CES5A: variants seen among roughly 807,000 people sequenced by gnomAD.
CES5A encodes the protein carboxylesterase 5.
A neutral mutation model predicts 62.9 loss-of-function variants in CES5A; 67 were observed. The ratio of observed to expected loss-of-function variants is 1.07; its 90% CI spans 0.88 to 1.31. The LOEUF (loss-of-function observed/expected upper bound fraction) is 1.31, where lower values mean the gene tolerates loss of function less well. CES5A is among the 50% of genes most tolerant of loss of function. The probability of loss-of-function intolerance (pLI) is 0.00; values close to 1 mark genes in which losing one functional copy is unlikely to be tolerated. For synonymous variants in CES5A, 296 were observed against 280.8 expected (o/e 1.05, Z -0.54); for missense variants, 748 against 708.5 (o/e 1.06, Z -0.63).
chr16:55,886,768 T>C (rs2033820021), intron 1 of CES5A, among the ~76,000 whole-genome samples: 1 of 152,154 alleles, frequency 6.6e-6, no homozygotes, highest in African/African-American at 2.4e-5. Flanking sequence ...GATATGGATT[T>C]ATGGGTTTGC....
intron 1 of CES5A, among the ~76,000 whole-genome samples, chr16:55,909,008 G>T (rs1259379456): frequency 6.6e-6 from 1 of 152,196 alleles, no homozygotes; most frequent in African/African-American, 2.4e-5. Context: ...AGAATAAAAT[G>T]CAGAGAGAAT....
chr16:55,929,795 T>G (rs145536013), upstream of CES5A, among the ~76,000 whole-genome samples: 14 of 152,346 alleles, frequency 9.2e-5, no homozygotes, highest in African/African-American at 3.4e-4. Flanking sequence ...TTGCTCACGA[T>G]GGAATGTTTT....
intron 1 of CES5A, among the ~76,000 whole-genome samples, chr16:55,911,727 G>A (rs1312028400): frequency 6.6e-6 from 1 of 152,132 alleles, no homozygotes; most frequent in Non-Finnish European, 1.5e-5. Flanking sequence ...TGACAGAAAG[G>A]TGGGGCCAGG....
chr16:55,927,844 T>C (rs2034273922), upstream of CES5A, among the ~76,000 whole-genome samples: 2 of 152,170 alleles, frequency 1.3e-5, no homozygotes. Context: ...ACAGCACAAT[T>C]CACAATTGCA....
chr16:55,865,649 C>T (rs1461309514), intron 5 of CES5A, among the ~76,000 whole-genome samples: 1 of 152,118 alleles, frequency 6.6e-6, no homozygotes, highest in Non-Finnish European at 1.5e-5. Flanking sequence ...GCTGAGTTTC[C>T]TATTAAACAA....
At chr16:55,927,648 G>A (rs2034271774), upstream of CES5A, among the ~76,000 whole-genome samples, 1 of 152,158 alleles carries the variant, frequency 6.6e-6, no homozygotes, top group Non-Finnish European at 1.5e-5. Context: ...GTACAAAGGG[G>A]ATGCTTATAC....
chr16:55,941,621 G>A (rs1005390109), intron 2 of CES5A, among the ~76,000 whole-genome samples: 1 of 151,732 alleles, frequency 6.6e-6, no homozygotes, highest in African/African-American at 2.4e-5. Context: ...GTGGACTTTC[G>A]AATTTATATG....
chr16:55,945,120 G>A (rs1404746019), intron 2 of CES5A, among the ~76,000 whole-genome samples: 1 of 152,126 alleles, frequency 6.6e-6, no homozygotes, highest in Non-Finnish European at 1.5e-5. Context: ...GCTTGGAATG[G>A]GGTCTAGCAC....
At chr16:55,848,494 A>G (rs531347243) in intron 11 of CES5A, among the ~76,000 whole-genome samples, 1 of 152,212 alleles carries the variant, frequency 6.6e-6, no homozygotes, top group East Asian at 1.9e-4. Context: ...TGAATACATT[A>G]TTTTAAGTGT....
chr16:55,869,182 T>C (rs1302073971), intron 4 of CES5A, among the ~76,000 whole-genome samples: 1 of 152,196 alleles, frequency 6.6e-6, no homozygotes, highest in African/African-American at 2.4e-5. Flanking sequence ...GTGACTGAGT[T>C]CTGCCAATGG....
At chr16:55,933,516 C>A (rs1265668481) in intron 2 of CES5A, among the ~76,000 whole-genome samples, 2 of 152,126 alleles carry the variant, frequency 1.3e-5, no homozygotes, top group Non-Finnish European at 2.9e-5. Flanking sequence ...AATGAATCTG[C>A]TCTCTTCCTC....
intron 1 of CES5A, among the ~76,000 whole-genome samples, chr16:55,951,116 A>AAAAAAAAAAAAAAAAAAAAAAG (rs1272002273): frequency 6.8e-6 from 1 of 146,450 alleles, no homozygotes; most frequent in African/African-American, 2.5e-5. Flanking sequence ...AAAAAAAAAA[A>AAAAAAAAAAAAAAAAAAAAAAG]AAAAAAAAAA....
At chr16:55,869,794 C>G in intron 3 of CES5A, 50 bp from the exon 4 acceptor site, 1 of 1,554,008 alleles carries the variant, frequency 6.4e-7, no homozygotes, top group South Asian at 1.2e-5. Flanking sequence ...ACCACCTCCC[C>G]TCCCCATGCA....
intron 1 of CES5A, among the ~76,000 whole-genome samples, chr16:55,892,376 C>T (rs2033889323): frequency 1.3e-5 from 2 of 152,126 alleles, no homozygotes; most frequent in East Asian, 1.9e-4. Flanking sequence ...CAAGCTGCAC[C>T]CCAACCACCT....
At chr16:55,932,086 G>C (rs111300904) in intron 2 of CES5A, among the ~76,000 whole-genome samples, 2,293 of 152,274 alleles carry the variant, frequency 0.015, 73 homozygotes, top group African/African-American at 0.052. Flanking sequence ...GACTGGGTTG[G>C]TTATCACAAG....
chr16:55,891,051 A>G (rs1158694688), intron 1 of CES5A, among the ~76,000 whole-genome samples: 1 of 151,884 alleles, frequency 6.6e-6, no homozygotes, highest in Non-Finnish European at 1.5e-5. Flanking sequence ...ACCCTGACTC[A>G]TTCCAATTAC....
At chr16:55,853,050 A>G (rs2033164897) in intron 9 of CES5A, 22 bp from the exon 10 acceptor site, 1 of 1,612,938 alleles carries the variant, frequency 6.2e-7, no homozygotes, top group Non-Finnish European at 8.5e-7. Context: ...TCGTAGTCCT[A>G]GGAGATCCAG....
chr16:55,892,411 T>G (rs1253730264), intron 1 of CES5A, among the ~76,000 whole-genome samples: 7 of 152,160 alleles, frequency 4.6e-5, no homozygotes, highest in African/African-American at 1.7e-4. Context: ...CTTGACCTCC[T>G]GAGGGCTGTG....
At chr16:55,911,121 G>A (rs572361649) in intron 1 of CES5A, among the ~76,000 whole-genome samples, 1 of 152,224 alleles carries the variant, frequency 6.6e-6, no homozygotes, top group East Asian at 1.9e-4. Context: ...TGCATGAACT[G>A]TACTAAGACA....
Sources: gnomAD v4.1 joint callset for allele counts (sites outside exome capture counted in the v4.1 genomes callset) on GRCh38, gnomAD v4.1.1 for gene constraint, MANE v1.5 for transcripts, NCBI Gene and HGNC (gene_info 2026-07-23, HGNC 2026-07-21) for gene names.